ZNF782: variants seen among roughly 807,000 people sequenced by gnomAD.
ZNF782 encodes the protein zinc finger protein 782.
ZNF782 carries 12 observed loss-of-function variants against 13.0 expected under a neutral mutation model. The ratio of observed to expected loss-of-function variants is 0.92; its 90% CI spans 0.59 to 1.50. The LOEUF (loss-of-function observed/expected upper bound fraction) is 1.50, where lower values mean the gene tolerates loss of function less well. Among genes scored for constraint, ZNF782 ranks in the 40% most tolerant of loss-of-function variants. The probability of loss-of-function intolerance (pLI) is 0.00; values close to 1 mark genes in which losing one functional copy is unlikely to be tolerated. For missense variants in ZNF782, 770 were observed against 822.9 expected, an observed-to-expected ratio of 0.94 and a Z score of 0.79; for synonymous variants, 284 against 283.0, an observed-to-expected ratio of 1.00 and a Z score of -0.04.
At chr9:96,916,439 A>G in the ZNF782 span, among the ~76,000 whole-genome samples, 1 of 151,802 alleles carries the variant, frequency 6.6e-6, no homozygotes, top group Non-Finnish European at 1.5e-5. Flanking sequence ...CAGTGAGCTG[A>G]GATTGTGCCA....
At chr9:96,883,399 C>T in the ZNF782 span, among the ~76,000 whole-genome samples, 12 of 152,084 alleles carry the variant, frequency 7.9e-5, no homozygotes, top group Admixed American at 2.6e-4. Flanking sequence ...AGTGTAGCTC[C>T]TCTGAAATCA....
intron 4 of ZNF782, among the ~76,000 whole-genome samples, chr9:96,836,653 G>A (rs1441430474): frequency 1.3e-5 from 2 of 152,120 alleles, no homozygotes; most frequent in African/African-American, 4.8e-5. Flanking sequence ...GGGCAGAATG[G>A]TATGGTTTGG....
intron 1 of ZNF782, chr9:96,875,420 T>C (rs1046447132): frequency 6.6e-6 from 3 of 454,696 alleles, no homozygotes; most frequent in African/African-American, 6.0e-5. Flanking sequence ...ACCCTCATTT[T>C]CAGGCGAGAA....
At chr9:96,901,921 A>G in the ZNF782 span, among the ~76,000 whole-genome samples, 8 of 150,396 alleles carry the variant, frequency 5.3e-5, no homozygotes, top group Non-Finnish European at 8.9e-5. Flanking sequence ...TAAAATTATG[A>G]CTATATATCA....
At chr9:96,908,453 T>C in the ZNF782 span, among the ~76,000 whole-genome samples, 1 of 152,274 alleles carries the variant, frequency 6.6e-6, no homozygotes, top group Non-Finnish European at 1.5e-5. Flanking sequence ...AGCTCTGGGA[T>C]ATTAAAATGA....
At chr9:96,840,848 A>G (rs966263066) in intron 4 of ZNF782, among the ~76,000 whole-genome samples, 1 of 152,090 alleles carries the variant, frequency 6.6e-6, no homozygotes, top group African/African-American at 2.4e-5. Context: ...CTCACATTAA[A>G]AAGCTAGACA....
intron 4 of ZNF782, among the ~76,000 whole-genome samples, chr9:96,839,783 AC>A (rs1420044400): frequency 6.6e-6 from 1 of 152,118 alleles, no homozygotes; most frequent in East Asian, 1.9e-4. Flanking sequence ...TCCTATGCAC[AC>A]CATTCTACTG....
the ZNF782 span, among the ~76,000 whole-genome samples, chr9:96,905,411 A>C: frequency 1.3e-5 from 2 of 151,910 alleles, no homozygotes; most frequent in Non-Finnish European, 2.9e-5. Flanking sequence ...ATGGTCTAAA[A>C]AAGGGAGGAA....
upstream of ZNF782, among the ~76,000 whole-genome samples, chr9:96,878,730 T>A (rs916018226): frequency 6.6e-6 from 1 of 152,354 alleles, no homozygotes; most frequent in African/African-American, 2.4e-5. Flanking sequence ...CTATTATAAA[T>A]AATATGTGGC....
chr9:96,892,165 A>G, the ZNF782 span: 1 of 152,162 alleles, frequency 6.6e-6, no homozygotes, highest in Admixed American at 6.5e-5. Context: ...CCCTGGGTAT[A>G]TGCCCTTGTT....
At chr9:96,929,289 T>C in the ZNF782 span, among the ~76,000 whole-genome samples, 1 of 152,244 alleles carries the variant, frequency 6.6e-6, no homozygotes, top group East Asian at 1.9e-4. Context: ...AGAGGATGGC[T>C]TGATCCTTTC....
At chr9:96,852,174 G>A (rs1282858121) in intron 2 of ZNF782, among the ~76,000 whole-genome samples, 169 bp from the exon 3 acceptor site, 5 of 131,350 alleles carry the variant, frequency 3.8e-5, no homozygotes, top group Non-Finnish European at 5.9e-5. Context: ...CACTGTCTAC[G>A]ACAACTCTGA....
chr9:96,876,249 A>G (rs2118898996), upstream of ZNF782, among the ~76,000 whole-genome samples: 1 of 152,372 alleles, frequency 6.6e-6, no homozygotes, highest in Middle Eastern at 3.4e-3. Flanking sequence ...GTGGAGTTAT[A>G]TTGGAAAATA....
upstream of ZNF782, among the ~76,000 whole-genome samples, chr9:96,876,813 C>A (rs1038717441): frequency 6.6e-6 from 1 of 151,924 alleles, no homozygotes; most frequent in African/African-American, 2.4e-5. Flanking sequence ...CGCGACCAGC[C>A]TGTGCAACAC....
the ZNF782 span, among the ~76,000 whole-genome samples, chr9:96,920,329 C>T: frequency 6.7e-6 from 1 of 148,336 alleles, no homozygotes; most frequent in Admixed American, 6.7e-5. Context: ...TGCAGGGGCA[C>T]GATCTCTGCT....
At chr9:96,868,855 C>CT (rs1377883899) in intron 1 of ZNF782, among the ~76,000 whole-genome samples, 1 of 152,178 alleles carries the variant, frequency 6.6e-6, no homozygotes, top group Non-Finnish European at 1.5e-5. Flanking sequence ...GCCCAGTTGA[C>CT]TAACATTGTC....
the ZNF782 span, among the ~76,000 whole-genome samples, chr9:96,915,016 G>C: frequency 6.6e-6 from 1 of 151,034 alleles, no homozygotes; most frequent in Admixed American, 6.6e-5. Context: ...AATGTGTCGG[G>C]GTGCCAGGGT....
the ZNF782 span, chr9:96,932,203 G>A: frequency 1.2e-6 from 2 of 1,613,774 alleles, no homozygotes; most frequent in Admixed American, 1.7e-5. Context: ...CTGCCCAGGT[G>A]GCCCCCATCG....
At chr9:96,863,104 CA>C (rs1404571485) in intron 1 of ZNF782, among the ~76,000 whole-genome samples, 1 of 151,408 alleles carries the variant, frequency 6.6e-6, no homozygotes, top group Non-Finnish European at 1.5e-5. Flanking sequence ...AAAAACATTA[CA>C]ACAAAGTACT....
Sources: allele counts gnomAD v4.1 joint callset (sites outside exome capture counted in the v4.1 genomes callset), GRCh38; gene constraint gnomAD v4.1.1; transcripts MANE v1.5; gene names NCBI Gene and HGNC (gene_info 2026-07-23, HGNC 2026-07-21).